The following PHF12 variants were observed in gnomAD, a reference collection of about 807,000 sequenced individuals.
PHF12 encodes the protein PHD factor 1.
A neutral mutation model predicts 99.8 loss-of-function variants in PHF12; 6 were observed. The observed-to-expected ratio is 0.06, with a 90% CI of 0.03 to 0.12. The LOEUF (loss-of-function observed/expected upper bound fraction) is 0.12. Ranked by LOEUF, PHF12 falls within the 10% of genes least tolerant of loss-of-function variation. The pLI is 1.00. For synonymous variants in PHF12, 480 were observed against 514.9 expected, an observed-to-expected ratio of 0.93 and a Z score of 0.92; for missense variants, 954 against 1,300.1, an observed-to-expected ratio of 0.73 and a Z score of 4.09.
At chr17:28,913,776 G>T in intron 8 of PHF12, 103 bp downstream of exon 8, 1 of 1,460,126 alleles carries the variant, frequency 6.8e-7, no homozygotes, top group Non-Finnish European at 9.3e-7. Context: ...GATGAGGGTG[G>T]GTGGGGACTG....
Position 28,919,267 on chromosome 17 carries a change from C to T in PHF12, c.845G>A (p.Arg282His), listed in dbSNP as rs202119121. 3.7e-6 allele frequency: 6 copies of T among 1,613,476 alleles called. No individual in the cohort carries two copies. Among genetic ancestry groups the T allele is most frequent in the Non-Finnish European group, 4.2e-6 (5 of 1,179,626 alleles). Residue 282 changes from arginine (R) to histidine (H), a missense_variant, in exon 6 of 15, where the codon CGT becomes CAT. Physicochemically the swap from Arg to His is conservative, Grantham distance 29. This residue lies in a region of PHF12 where 85 missense variants were observed against 196.6 expected (regional missense o/e 0.43). Transcript: ENST00000332830. ...KVCFTCNRSC[R>H]VAPLIQCDYC... ...GTCACACTGGATGAGAGGAGCCACA[C>T]GGCAACTCCTGCAAAAAAGAGATGT...
At chr17:28,924,431 G>C (rs752756871) in intron 3 of PHF12, 129 bp from the exon 4 acceptor site, 3 of 1,267,970 alleles carry the variant, frequency 2.4e-6, no homozygotes, top group Non-Finnish European at 2.2e-6. Flanking sequence ...TCATCTACCT[G>C]GTCACTTGGA....
intron 2 of PHF12, 60 bp from the exon 3 acceptor site, chr17:28,927,123 C>A (rs1401969608): frequency 6.7e-7 from 1 of 1,487,654 alleles, no homozygotes; most frequent in Non-Finnish European, 9.3e-7. Flanking sequence ...GTAGGAAAAG[C>A]CTAGCTAGGT....
intron 9 of PHF12, chr17:28,912,035 T>G (rs768689018): frequency 1.6e-4 from 147 of 945,750 alleles, no homozygotes; most frequent in Non-Finnish European, 1.8e-4. Flanking sequence ...GATTAACTCT[T>G]TCTGAGAATA....
chr17:28,940,993 G>C (rs1284362542), intron 2 of PHF12, among the ~76,000 whole-genome samples: 1 of 151,920 alleles, frequency 6.6e-6, no homozygotes, highest in African/African-American at 2.4e-5. Flanking sequence ...GTACTCCCTG[G>C]GGCCTCTAAG....
chr17:28,923,795 C>T, intron 4 of PHF12, 114 bp downstream of exon 4: 1 of 1,300,446 alleles, frequency 7.7e-7, no homozygotes, highest in Non-Finnish European at 1.0e-6. Flanking sequence ...GAACTAGGAA[C>T]AGGAACCCAA....
chr17:28,906,343 T>C lies in PHF12; in HGVS notation c.2855A>G (p.Tyr952Cys). 1.2e-6 allele frequency: 2 copies of C among 1,614,202 alleles called. No homozygotes were observed. Among genetic ancestry groups the C allele is most frequent in the Non-Finnish European group, 1.7e-6 (2 of 1,180,024 alleles). The change falls in exon 15 of 15, where the codon TAC becomes TGC. Residue 952 changes from tyrosine (Y) to cysteine (C), a missense_variant. Physicochemically the swap from Tyr to Cys is radical, Grantham distance 194. This residue lies in a region of PHF12 where 136 missense variants were observed against 172.3 expected (regional missense o/e 0.79). Coordinates refer to ENST00000332830, the MANE Select transcript of PHF12 (RefSeq NM_001033561.2). The surrounding 1 kb of genome is among the most constrained non-coding windows in gnomAD (Gnocchi z 4.2). ...EGTALLHHGS[Y>C]IKLGCLQFVF... ...AAACTGCAGGCAGCCCAGCTTGATGTAGCTGCCATGGTGCAGTAAGGCTGT... is the reference window on the plus strand; with the variant it reads ...AAACTGCAGGCAGCCCAGCTTGATGCAGCTGCCATGGTGCAGTAAGGCTGT...
In PHF12 at chr17:28,911,359, A is replaced by G. The variant is rs767109279; in HGVS notation, c.2090-122T>C. The G allele has an allele frequency of 7.4e-6, 10 of 1,358,792 alleles. No homozygotes were observed. The East Asian group carries it at 2.2e-4, about 30-fold the overall frequency. The allele number at this position is 1,358,792 out of a possible 1,614,324, so 84.2% of individuals were successfully genotyped here. A position where few individuals can be genotyped will look rare whatever the true frequency, so the allele number is the denominator to read the frequency against. ...GGTGATGTTCCCTTCTTGATTCTCA[A>G]CCCATAGGCTCTGGAACTCCTAGAG... On this transcript the variant is annotated intron_variant, in intron 9 of 14. Coordinates refer to ENST00000332830, the MANE Select transcript of PHF12 (RefSeq NM_001033561.2).
intron 2 of PHF12, among the ~76,000 whole-genome samples, chr17:28,936,476 T>C (rs568210495): frequency 2.0e-5 from 3 of 152,372 alleles, no homozygotes; most frequent in African/African-American, 4.8e-5. Flanking sequence ...AGGAACACTA[T>C]GTAAATAGCA....
At chr17:28,925,927 C>A (rs764598042) in intron 3 of PHF12, 14 of 152,216 alleles carry the variant, frequency 9.2e-5, no homozygotes, top group Non-Finnish European at 2.1e-4. Flanking sequence ...TTTTGAGTGG[C>A]AAGTTTGAGA....
In PHF12 at chr17:28,913,996, A is replaced by T. The variant is rs1209794888; in HGVS notation, c.1176T>A (p.Pro392=). The change falls in exon 8 of 15, where the codon CCT becomes CCA. Residue 392 remains proline, a synonymous_variant. Coordinates refer to ENST00000332830, the MANE Select transcript of PHF12 (RefSeq NM_001033561.2). ...AIKSQYQFPP[P]LIAPAAIRDG... ...CCCGAATGGCCGCGGGTGCAATGAG[A>T]GGGGGTGGAAACTGGTACTGAGATT... is the stretch of plus-strand genomic sequence containing the variant. 1.9e-6 allele frequency: 3 copies of T among 1,613,426 alleles called. No homozygotes were observed. The highest frequency in any genetic ancestry group is 1.7e-6 in the Non-Finnish European group (2 of 1,179,482).
Position 28,913,286 on chromosome 17 carries a change from G to A in PHF12, c.1294-9C>T. On this transcript the variant is annotated splice_polypyrimidine_tract_variant and intron_variant, in intron 8 of 14. Coordinates refer to ENST00000332830, the MANE Select transcript of PHF12 (RefSeq NM_001033561.2). ...ACAACACTACAGAGCCACTGCAATG[G>A]AAGGAGAGGAGAGGGGGGTGAGAAG... The A allele has an allele frequency of 1.3e-6, 2 of 1,593,852 alleles. No homozygotes were observed. The highest frequency in any genetic ancestry group is 1.1e-5 in the South Asian group (1 of 88,442).
At chr17:28,947,260 C>T (rs11653502) in intron 2 of PHF12, among the ~76,000 whole-genome samples, 2 of 152,106 alleles carry the variant, frequency 1.3e-5, no homozygotes, top group Non-Finnish European at 2.9e-5. Context: ...GGATTACAGG[C>T]GTGAGCCACA....
chr17:28,918,267 A>AC (rs2040096888), intron 6 of PHF12, among the ~76,000 whole-genome samples: 1 of 152,228 alleles, frequency 6.6e-6, no homozygotes, highest in Non-Finnish European at 1.5e-5. Flanking sequence ...TTTAAGTTTC[A>AC]CATTTGGGTA....
Position 28,949,958 on chromosome 17 carries a change from C to T in PHF12, c.248+107G>A. 1 of 1,320,426 alleles carries T rather than the reference C, an allele frequency of 7.6e-7. No individual in the cohort carries two copies. The highest frequency in any genetic ancestry group is 2.5e-5 in the East Asian group (1 of 40,604). 81.8% of individuals were successfully genotyped at this position (1,320,426 alleles called of 1,614,324 possible). ...CGCCCCGGCAGCTGCAGAAAGTCAG[C>T]TAGCGGCTGCAAGCGCCCGTTATTT... On this transcript the variant is annotated intron_variant, in intron 2 of 14. Coordinates refer to ENST00000332830, the MANE Select transcript of PHF12 (RefSeq NM_001033561.2). The surrounding 1 kb of genome is among the most constrained non-coding windows in gnomAD (Gnocchi z 4.6).
chr17:28,946,127 G>A (rs1001693800), intron 2 of PHF12, among the ~76,000 whole-genome samples: 4 of 152,100 alleles, frequency 2.6e-5, no homozygotes, highest in East Asian at 1.9e-4. Flanking sequence ...GCAAGACTCC[G>A]TCTCAGAAAA....
intron 2 of PHF12, among the ~76,000 whole-genome samples, chr17:28,936,537 G>C (rs962903736): frequency 1.3e-5 from 2 of 152,176 alleles, no homozygotes; most frequent in East Asian, 3.8e-4. Flanking sequence ...TCTTCCAAAA[G>C]AGGTCAGTCA....
At chr17:28,908,938 C>T in intron 11 of PHF12, 57 bp from the exon 12 acceptor site, 1 of 1,491,966 alleles carries the variant, frequency 6.7e-7, no homozygotes, top group Non-Finnish European at 9.2e-7. Flanking sequence ...GTGATCCAAA[C>T]ATAAACCAAC....
rs1253730076 is a variant in PHF12 at position 28,906,161 on chromosome 17, A to G, written c.*22T>C. 4 of 1,533,744 alleles carry G rather than the reference A, an allele frequency of 2.6e-6. No homozygotes were observed. In the African/African-American group the frequency reaches 4.1e-5, roughly 16 times the overall value. ...GGAGTCTTGGGTGGGTGTACAGGCC[A>G]GTGGCGGGGTAGCCGCCAGTCCTAA... On this transcript the variant is annotated 3_prime_UTR_variant, in exon 15 of 15. Transcript: ENST00000332830. The surrounding 1 kb of genome is among the most constrained non-coding windows in gnomAD (Gnocchi z 4.2).
Sources: gnomAD v4.1 joint callset for allele counts (sites outside exome capture counted in the v4.1 genomes callset) on GRCh38, gnomAD v4.1.1 for gene constraint, gnomAD v4.1.1 regional missense constraint, Gnocchi (gnomAD v3.1) non-coding constraint, MANE v1.5 for transcripts, NCBI Gene and HGNC (gene_info 2026-07-23, HGNC 2026-07-21) for gene names.